KAZN: variants seen among roughly 807,000 people sequenced by gnomAD.
KAZN encodes kazrin, periplakin interacting protein.
Under a neutral mutation model 87.4 loss-of-function variants are expected in KAZN, and 40 were observed. That is an observed-to-expected ratio of 0.46 (90% CI 0.36 to 0.60). The LOEUF (loss-of-function observed/expected upper bound fraction) is 0.60. Among genes scored for constraint, KAZN ranks in the 20% least tolerant of loss-of-function variants. The probability of loss-of-function intolerance (pLI) is 0.00; values close to 1 mark genes in which losing one functional copy is unlikely to be tolerated. For synonymous variants in KAZN, 466 were observed against 458.3 expected (o/e 1.02, Z -0.22); for missense variants, 898 against 1,073.9 (o/e 0.84, Z 2.29).
rs1188950144 is a variant in KAZN, at chr1:14,457,344, TC to T, written c.250-141636del. 3.9e-5 allele frequency among the ~76,000 whole-genome samples: 6 copies of T among 152,204 alleles called. No individual in the cohort carries two copies. In the South Asian group the frequency reaches 8.3e-4, roughly 21 times the overall value. On this transcript the variant is annotated intron_variant, in intron 2 of 16. Transcript: ENST00000636203. ...TCTCTAAAATACCTGTTCGTTCCTT[TC>T]CCAATTTCTCTACCAGGGTTGCCTG... is the stretch of plus-strand genomic sequence containing the variant.
chr1:14,000,795 G>T (rs12725794), intron 1 of KAZN, among the ~76,000 whole-genome samples: 20,305 of 149,208 alleles, frequency 0.14, 1,509 homozygotes, highest in Middle Eastern at 0.2. Flanking sequence ...TTTTTTGTTT[G>T]TTTTTGAGAC....
chr1:14,855,380 T>C (rs1649969826), intron 1 of KAZN, among the ~76,000 whole-genome samples: 1 of 152,330 alleles, frequency 6.6e-6, no homozygotes, highest in East Asian at 1.9e-4. Context: ...TGTCATTTTT[T>C]TGTTAACACC....
intron 2 of KAZN, among the ~76,000 whole-genome samples, chr1:14,216,968 A>C (rs575556765): frequency 1.3e-5 from 2 of 152,306 alleles, no homozygotes; most frequent in African/African-American, 4.8e-5. Context: ...AAAAGATCAC[A>C]GTTGCTACGG....
In KAZN at chr1:14,949,152, C is replaced by CAAAAAT. The variant is rs1553161510; in HGVS notation, c.227-11529_227-11524dup. Among the ~76,000 whole-genome samples the CAAAAAT allele has an allele frequency of 6.5e-5, 6 of 92,682 alleles. No individual in the cohort carries two copies. Among genetic ancestry groups the CAAAAAT allele is most frequent in the Admixed American group, 1.1e-4 (1 of 9,056 alleles). The allele number at this position is 92,682 out of a possible 152,430, so 60.8% of individuals were successfully genotyped here. On this transcript the variant is annotated intron_variant, in intron 1 of 14. Coordinates refer to ENST00000376030, the MANE Select transcript of KAZN (RefSeq NM_201628.3). The surrounding 1 kb of genome is among the most constrained non-coding windows in gnomAD (Gnocchi z 4.3). ...TGGGCAACAGAGTGAGACTCCGACT[C>CAAAAAT]AAAAATAATAATAATAATAATAATA...
chr1:14,971,661 GT>G (rs111599289), intron 2 of KAZN, among the ~76,000 whole-genome samples: 1,330 of 116,482 alleles, frequency 0.011, 14 homozygotes, highest in African/African-American at 0.034. Flanking sequence ...ACCAGGAGTT[GT>G]TTTTTTTTTT....
chr1:14,734,611 T>C (rs1283532357), intron 1 of KAZN, among the ~76,000 whole-genome samples: 1 of 152,144 alleles, frequency 6.6e-6, no homozygotes, highest in Non-Finnish European at 1.5e-5. Flanking sequence ...CCACACCCGG[T>C]TGAGTCTGTG....
intron 2 of KAZN, among the ~76,000 whole-genome samples, chr1:14,563,874 C>CTTCTTTTTTTTTTTTTTTT (rs1674393353): frequency 1.0e-5 from 1 of 97,928 alleles, no homozygotes; most frequent in Non-Finnish European, 2.0e-5. Context: ...GTTCAAACTC[C>CTTCTTTTTTTTTTTTTTTT]TTTTTTTTTT....
intron 2 of KAZN, among the ~76,000 whole-genome samples, chr1:14,415,608 G>A (rs892833515): frequency 5.9e-5 from 9 of 152,262 alleles, no homozygotes; most frequent in African/African-American, 1.9e-4. Context: ...ACCAGTGGCC[G>A]TTAAGAATGA....
At chr1:14,858,211 TTTC>T (rs1458738836) in intron 1 of KAZN, among the ~76,000 whole-genome samples, 1 of 115,586 alleles carries the variant, frequency 8.7e-6, no homozygotes, top group Non-Finnish European at 1.7e-5. Flanking sequence ...TTCTTTTTCT[TTTC>T]TTTTTTTTTT....
At chr1:14,883,372 AAAG>A (rs1557586561) in intron 1 of KAZN, among the ~76,000 whole-genome samples, 1 of 97,994 alleles carries the variant, frequency 1.0e-5, no homozygotes, top group African/African-American at 4.2e-5. Context: ...AGAAAGAAAG[AAAG>A]AAAGAAAGAA....
chr1:14,058,223 C>T (rs1642655104), intron 1 of KAZN, among the ~76,000 whole-genome samples: 1 of 152,142 alleles, frequency 6.6e-6, no homozygotes. Flanking sequence ...CTAGGGACTC[C>T]CACACAGACC....
intron 2 of KAZN, chr1:14,304,471 T>C (rs1307587641): frequency 2.5e-6 from 1 of 395,522 alleles, no homozygotes; most frequent in East Asian, 3.6e-5. Flanking sequence ...GGTCTGACTA[T>C]CTTCACTAAG....
intron 2 of KAZN, among the ~76,000 whole-genome samples, chr1:14,997,100 C>T (rs1667947471): frequency 6.6e-6 from 1 of 152,128 alleles, no homozygotes; most frequent in Non-Finnish European, 1.5e-5. Context: ...AGAGGTCCTT[C>T]CTGAATTTTC....
chr1:14,630,452 C>T (rs1679480187), intron 1 of KAZN, among the ~76,000 whole-genome samples: 2 of 152,046 alleles, frequency 1.3e-5, no homozygotes, highest in South Asian at 4.2e-4. Flanking sequence ...TTTGGGAGGC[C>T]AAAACGGGAG....
intron 1 of KAZN, among the ~76,000 whole-genome samples, chr1:14,615,275 T>C (rs964082262): frequency 1.3e-5 from 2 of 152,094 alleles, no homozygotes; most frequent in Admixed American, 1.3e-4. Context: ...GAAAGCCCCA[T>C]TGTGGGATCC....
At position 14,669,513 on chromosome 1, in the gene KAZN, C is replaced by A. The variant is rs549420862; in HGVS notation, c.226+70290C>A. On this transcript the variant is annotated intron_variant, in intron 1 of 14. Transcript: ENST00000376030. The stretch of plus-strand genomic sequence containing the variant: ...AATCCCAGCACTTTGTGAAGCTGAG[C>A]GGGGAGGATTGTTTGAGGCCAGGAG... Among the ~76,000 whole-genome samples the A allele has an allele frequency of 2.0e-5, 3 of 152,256 alleles. No individual in the cohort carries two copies. The South Asian group carries it at 6.2e-4, about 32-fold the overall frequency.
Position 15,050,028 on chromosome 1 carries a change from GGGTAGGGTAGGGTAGGGTAGGGTAGGGT to G in KAZN, c.726+5870_726+5897del, listed in dbSNP as rs1268895659. Among the ~76,000 whole-genome samples, 638 of 82,078 alleles carry G rather than the reference GGGTAGGGTAGGGTAGGGTAGGGTAGGGT, an allele frequency of 7.8e-3. 2 individuals are homozygous for G. The highest frequency in any genetic ancestry group is 0.021 in the Middle Eastern group (3 of 142). The allele number at this position is 82,078 out of a possible 152,430, so 53.8% of individuals were successfully genotyped here. ...AGTGAGACTCCATCAGAGTAGAGTA[GGGTAGGGTAGGGTAGGGTAGGGTAGGGT>G]AGGGTAGGGTAGAGTAGAGTAGAGT... On this transcript the variant is annotated intron_variant, in intron 4 of 14. Coordinates refer to ENST00000376030, the MANE Select transcript of KAZN (RefSeq NM_201628.3).
intron 1 of KAZN, among the ~76,000 whole-genome samples, chr1:14,051,933 G>A (rs186068082): frequency 4.7e-4 from 72 of 152,278 alleles, no homozygotes; most frequent in African/African-American, 1.7e-3. Flanking sequence ...ATGTTCTGGA[G>A]CTCTTCCAAG....
chr1:14,477,423 TCCCTCTCTCTCTCTCTCTCTCC>T (rs991066969), intron 2 of KAZN, among the ~76,000 whole-genome samples: 6 of 140,922 alleles, frequency 4.3e-5, no homozygotes, highest in African/African-American at 1.6e-4. Flanking sequence ...GGTAATTCAT[TCCCTCTCTCTCTCTCTCTCTCC>T]CCCTCTCTCT....
Sources: allele counts gnomAD v4.1 joint callset (sites outside exome capture counted in the v4.1 genomes callset), GRCh38; gene constraint gnomAD v4.1.1; non-coding constraint Gnocchi (gnomAD v3.1); transcripts MANE v1.5; gene names NCBI Gene and HGNC (gene_info 2026-07-23, HGNC 2026-07-21).